The following CACNG2 variants were observed in gnomAD, a reference collection of about 807,000 sequenced individuals.
CACNG2 encodes calcium voltage-gated channel auxiliary subunit gamma 2, also known as voltage-dependent calcium channel gamma-2 subunit.
Under a neutral mutation model 25.9 loss-of-function variants are expected in CACNG2, and 3 were observed. The ratio of observed to expected loss-of-function variants is 0.12; its 90% confidence interval spans 0.05 to 0.30. The LOEUF (loss-of-function observed/expected upper bound fraction) is 0.30. Among genes scored for constraint, CACNG2 ranks in the 10% least tolerant of loss-of-function variants. The pLI, the probability that CACNG2 is intolerant of heterozygous loss-of-function variation, is 1.00. For synonymous variants in CACNG2, 167 were observed against 173.3 expected, an observed-to-expected ratio of 0.96 and a Z score of 0.29; for missense variants, 341 against 432.5, an observed-to-expected ratio of 0.79 and a Z score of 1.88.
chr22:36,639,949 A>G (rs982980370), intron 1 of CACNG2, among the ~76,000 whole-genome samples: 5 of 152,138 alleles, frequency 3.3e-5, no homozygotes, highest in African/African-American at 1.2e-4. Flanking sequence ...GACACTCTCC[A>G]GTGTCTCCCG....
intron 1 of CACNG2, among the ~76,000 whole-genome samples, chr22:36,591,759 C>G (rs1235090892): frequency 6.6e-6 from 1 of 151,944 alleles, no homozygotes; most frequent in Non-Finnish European, 1.5e-5. Context: ...GTGCACTGTG[C>G]AAGGAGATGA....
intron 2 of CACNG2, among the ~76,000 whole-genome samples, chr22:36,577,948 G>A (rs1271261943): frequency 2.0e-5 from 3 of 152,006 alleles, no homozygotes; most frequent in African/African-American, 7.2e-5. Context: ...AATGGACCTG[G>A]ATAATGCTCC....
rs4820239 is a variant in CACNG2, at chr22:36,562,861, G to A, written c.*1490C>T. ...CCCCTGCAGCTCACTGGGACCTTCC[G>A]CTACTCCCTCCAACCTTCAAGCCCA... On this transcript the variant is annotated 3_prime_UTR_variant, in exon 4 of 4. Coordinates refer to ENST00000300105, the MANE Select transcript of CACNG2 (RefSeq NM_006078.5). The A allele has an allele frequency of 0.22, 33,184 of 151,920 alleles. 4,002 individuals are homozygous for A. The highest frequency in any genetic ancestry group is 0.31 in the East Asian group (1,600 of 5,162). The allele number at this position is 151,920 out of a possible 1,614,324, so 9.4% of individuals were successfully genotyped here.
At chr22:36,680,746 C>A (rs867878595) in intron 1 of CACNG2, among the ~76,000 whole-genome samples, 22 of 60,544 alleles carry the variant, frequency 3.6e-4, no homozygotes, top group African/African-American at 1.0e-3. Flanking sequence ...TCACCACCAC[C>A]ACTACCACCA....
intron 1 of CACNG2, among the ~76,000 whole-genome samples, chr22:36,672,260 G>A (rs1406231433): frequency 6.6e-6 from 1 of 151,990 alleles, no homozygotes; most frequent in African/African-American, 2.4e-5. Context: ...GGGCTCAAGC[G>A]ATCTTCCCAC....
At chr22:36,600,701 C>G (rs953222183) in intron 1 of CACNG2, among the ~76,000 whole-genome samples, 23 of 152,046 alleles carry the variant, frequency 1.5e-4, no homozygotes, top group African/African-American at 5.1e-4. Context: ...CACGCACCAC[C>G]AAGCTTGGCT....
At chr22:36,652,150 G>A (rs1037505354) in intron 1 of CACNG2, among the ~76,000 whole-genome samples, 2 of 152,292 alleles carry the variant, frequency 1.3e-5, no homozygotes, top group African/African-American at 4.8e-5. Flanking sequence ...ACAGGTGTGA[G>A]CCACTGTGCC....
chr22:36,645,565 A>G (rs1283004063), intron 1 of CACNG2, among the ~76,000 whole-genome samples: 1 of 140,308 alleles, frequency 7.1e-6, no homozygotes, highest in African/African-American at 2.7e-5. Context: ...AAAAAAAAAA[A>G]AGAAATGCTA....
At chr22:36,597,743 T>C (rs1382098627) in intron 1 of CACNG2, among the ~76,000 whole-genome samples, 3 of 152,206 alleles carry the variant, frequency 2.0e-5, no homozygotes, top group Admixed American at 6.5e-5. Context: ...GGGGATCACG[T>C]TAAGCCAGGT....
chr22:36,614,249 G>A (rs140211938), intron 1 of CACNG2, among the ~76,000 whole-genome samples: 20 of 152,198 alleles, frequency 1.3e-4, no homozygotes, highest in African/African-American at 3.4e-4. Context: ...CGTTTGCCAC[G>A]TGCTTCCTGG....
At chr22:36,617,655 G>T in intron 1 of CACNG2, among the ~76,000 whole-genome samples, 1 of 147,588 alleles carries the variant, frequency 6.8e-6, no homozygotes, top group African/African-American at 2.5e-5. Context: ...TAAAACATCA[G>T]TCTCTTTTCC....
chr22:36,662,825 G>A (rs1936819394), intron 1 of CACNG2, among the ~76,000 whole-genome samples: 1 of 151,938 alleles, frequency 6.6e-6, no homozygotes, highest in Admixed American at 6.6e-5. Context: ...TTTTTTCTGT[G>A]TCACGGTTGA....
chr22:36,645,379 T>C (rs1601433552), intron 1 of CACNG2, among the ~76,000 whole-genome samples: 2 of 151,482 alleles, frequency 1.3e-5, no homozygotes, highest in East Asian at 3.9e-4. Flanking sequence ...CTACTAAAAA[T>C]ACAAAAAATT....
At chr22:36,636,516 T>C (rs1000391770) in intron 1 of CACNG2, among the ~76,000 whole-genome samples, 1 of 152,226 alleles carries the variant, frequency 6.6e-6, no homozygotes, top group Non-Finnish European at 1.5e-5. Context: ...TTGTCCCTGA[T>C]AATGCAGAGT....
chr22:36,661,506 T>C (rs11913295), intron 1 of CACNG2, among the ~76,000 whole-genome samples: 4,716 of 152,204 alleles, frequency 0.031, 262 homozygotes, highest in African/African-American at 0.11. Context: ...GGGTGTGCCA[T>C]TGAAAACAGA....
intron 2 of CACNG2, among the ~76,000 whole-genome samples, chr22:36,570,184 G>A (rs1367968410): frequency 6.6e-6 from 1 of 152,228 alleles, no homozygotes; most frequent in Non-Finnish European, 1.5e-5. Context: ...GGGGGAGGGA[G>A]CGTCGGCTGC....
chr22:36,630,974 G>A (rs987738457), intron 1 of CACNG2, among the ~76,000 whole-genome samples: 6 of 152,106 alleles, frequency 3.9e-5, no homozygotes, highest in African/African-American at 1.2e-4. Context: ...GGGTCTATAG[G>A]TGCCTGCCAC....
chr22:36,586,410 T>TA lies in CACNG2; in HGVS notation c.295+1054dup, dbSNP rs1233074419. 3.9e-5 allele frequency among the ~76,000 whole-genome samples: 6 copies of TA among 152,198 alleles called. No individual in the cohort carries two copies. The East Asian group carries it at 5.8e-4, about 15-fold the overall frequency. ...GAGCAGGGTATGATATTTTTTCCTT[T>TA]AAAAAAAAGAATCTAAAAATTGCAT... On this transcript the variant is annotated intron_variant, in intron 2 of 3. Coordinates refer to ENST00000300105, the MANE Select transcript of CACNG2 (RefSeq NM_006078.5).
intron 1 of CACNG2, among the ~76,000 whole-genome samples, chr22:36,659,407 G>A (rs187585640): frequency 3.0e-4 from 45 of 152,212 alleles, no homozygotes; most frequent in Non-Finnish European, 6.0e-4. Flanking sequence ...CAGGTCAAAG[G>A]CTGCTCCACA....
Sources: allele counts gnomAD v4.1 joint callset (sites outside exome capture counted in the v4.1 genomes callset), GRCh38; gene constraint gnomAD v4.1.1; transcripts MANE v1.5; gene names NCBI Gene and HGNC (gene_info 2026-07-23, HGNC 2026-07-21).